Variants in TUSC3 observed in about 807,000 individuals in gnomAD.
The protein encoded by TUSC3 is tumor suppressor candidate 3, also known as dolichyl-diphosphooligosaccharide--protein glycosyltransferase subunit TUSC3.
TUSC3 carries 45 observed loss-of-function variants against 44.8 expected under a neutral mutation model. The ratio of observed to expected loss-of-function variants is 1.00; its 90% CI spans 0.79 to 1.29. TUSC3 has a LOEUF of 1.29. Ranked by LOEUF, TUSC3 falls within the 50% of genes most tolerant of loss-of-function variation. The pLI, the probability that TUSC3 is intolerant of heterozygous loss-of-function variation, is 0.00. For missense variants in TUSC3, 519 were observed against 437.9 expected (o/e 1.19, Z -1.65); for synonymous variants, 212 against 152.9 (o/e 1.39, Z -2.85).
chr8:15,477,555 T>C (rs181101132), intron 1 of TUSC3, among the ~76,000 whole-genome samples: 49 of 152,184 alleles, frequency 3.2e-4, no homozygotes, highest in Non-Finnish European at 5.0e-4. Flanking sequence ...ATCCCGTCTC[T>C]ACTAAAAATA....
intron 1 of TUSC3, among the ~76,000 whole-genome samples, chr8:15,480,801 T>C (rs1426630303): frequency 6.6e-6 from 1 of 152,182 alleles, no homozygotes; most frequent in Non-Finnish European, 1.5e-5. Flanking sequence ...CCTATTTAAG[T>C]CTCTATCTCC....
At chr8:15,825,790 G>T in the TUSC3 span, among the ~76,000 whole-genome samples, 4 of 151,894 alleles carry the variant, frequency 2.6e-5, no homozygotes, top group Non-Finnish European at 5.9e-5. Context: ...TGTTGTTAAG[G>T]CCTTGGCTAT....
chr8:15,653,077 C>A (rs746681791), intron 3 of TUSC3, among the ~76,000 whole-genome samples: 4 of 152,180 alleles, frequency 2.6e-5, no homozygotes, highest in Non-Finnish European at 5.9e-5. Flanking sequence ...CAGAAACACT[C>A]ATTTTTCACT....
At chr8:15,746,810 G>C (rs1363452486) in intron 8 of TUSC3, among the ~76,000 whole-genome samples, 1 of 152,050 alleles carries the variant, frequency 6.6e-6, no homozygotes, top group Non-Finnish European at 1.5e-5. Context: ...GGGAAGTATA[G>C]AGTAAATAAT....
chr8:15,661,454 C>T (rs928672523), intron 4 of TUSC3, among the ~76,000 whole-genome samples: 1 of 151,980 alleles, frequency 6.6e-6, no homozygotes, highest in African/African-American at 2.4e-5. Flanking sequence ...TGATCTGCCT[C>T]ATCTTTGTTC....
At chr8:15,436,560 T>C (rs1799947648) in intron 1 of TUSC3, among the ~76,000 whole-genome samples, 1 of 152,210 alleles carries the variant, frequency 6.6e-6, no homozygotes, top group Non-Finnish European at 1.5e-5. Flanking sequence ...GTTTCTGAAG[T>C]CTTCATATAA....
intron 1 of TUSC3, among the ~76,000 whole-genome samples, chr8:15,607,575 A>G (rs552651437): frequency 4.6e-5 from 7 of 152,314 alleles, no homozygotes; most frequent in Middle Eastern, 6.8e-3. Context: ...CTTCTAAAAC[A>G]TAAAGGTAAG....
chr8:15,743,507 A>G (rs757803613), intron 7 of TUSC3, 31 bp from the exon 8 acceptor site: 19 of 1,610,322 alleles, frequency 1.2e-5, no homozygotes, highest in African/African-American at 4.0e-5. Context: ...ATTCACATCT[A>G]TGTCTACGGC....
the TUSC3 span, among the ~76,000 whole-genome samples, chr8:15,796,164 T>A: frequency 5.3e-5 from 8 of 152,154 alleles, no homozygotes; most frequent in African/African-American, 1.9e-4. Context: ...TCGGTGGATA[T>A]GTTAGCATGC....
chr8:15,543,342 A>C (rs1331074456), intron 1 of TUSC3, among the ~76,000 whole-genome samples: 2 of 152,168 alleles, frequency 1.3e-5, no homozygotes, highest in Admixed American at 6.6e-5. Flanking sequence ...TTGAGCCTGC[A>C]ATCAGGAAAG....
At chr8:15,795,336 C>A in the TUSC3 span, among the ~76,000 whole-genome samples, 1 of 152,162 alleles carries the variant, frequency 6.6e-6, no homozygotes, top group Non-Finnish European at 1.5e-5. Flanking sequence ...GGCCAGTGAG[C>A]TGAAACTGAT....
intron 2 of TUSC3, among the ~76,000 whole-genome samples, chr8:15,504,609 ATATATATATATAT>A (rs1288542287): frequency 0.013 from 332 of 25,820 alleles, no homozygotes; most frequent in Non-Finnish European, 0.015. Context: ...ATATATATAT[ATATATATATATAT>A]TTTTTTTTTT....
chr8:15,743,479 G>A lies in TUSC3; in HGVS notation c.863-59G>A. 3 of 1,578,528 alleles carry A rather than the reference G, an allele frequency of 1.9e-6. No individual in the cohort carries two copies. The Admixed American group carries it at 5.0e-5, about 26-fold the overall frequency. ...TTCTGGAACATTGTGTTCAGAGCCA[G>A]AAAAATTAATAGATTTTATTCACAT... On this transcript the variant is annotated intron_variant, in intron 7 of 10. Transcript: ENST00000503731.
chr8:15,520,084 T>C (rs948292181), intron 2 of TUSC3, among the ~76,000 whole-genome samples: 3 of 152,184 alleles, frequency 2.0e-5, no homozygotes, highest in African/African-American at 7.2e-5. Flanking sequence ...ATTCTTCCAA[T>C]TCCCCTTTCA....
At chr8:15,733,260 A>G in intron 7 of TUSC3, 1 of 297,432 alleles carries the variant, frequency 3.4e-6, no homozygotes, top group South Asian at 3.0e-5. Context: ...GAAGCAAAAC[A>G]TGTTAACATT....
chr8:15,593,999 A>T (rs900541597), intron 1 of TUSC3, among the ~76,000 whole-genome samples: 1 of 152,178 alleles, frequency 6.6e-6, no homozygotes, highest in African/African-American at 2.4e-5. Context: ...TTTGGCATGT[A>T]CTAACGATAC....
intron 1 of TUSC3, among the ~76,000 whole-genome samples, chr8:15,442,361 T>A (rs887445915): frequency 6.6e-6 from 1 of 152,116 alleles, no homozygotes; most frequent in African/African-American, 2.4e-5. Context: ...ATTTATTTGA[T>A]AAATAATAGG....
At chr8:15,668,324 T>C (rs1807772138) in intron 5 of TUSC3, among the ~76,000 whole-genome samples, 2 of 151,856 alleles carry the variant, frequency 1.3e-5, no homozygotes, top group East Asian at 3.9e-4. Context: ...AATCTTAACT[T>C]ACATATTCAC....
intron 2 of TUSC3, among the ~76,000 whole-genome samples, chr8:15,530,201 G>C (rs1801431967): frequency 6.6e-6 from 1 of 151,918 alleles, no homozygotes; most frequent in Non-Finnish European, 1.5e-5. Context: ...CAGCTATAAG[G>C]ACAGTTTGAC....
Sources: gnomAD v4.1 joint callset for allele counts (sites outside exome capture counted in the v4.1 genomes callset) on GRCh38, gnomAD v4.1.1 for gene constraint, MANE v1.5 for transcripts, NCBI Gene and HGNC (gene_info 2026-07-23, HGNC 2026-07-21) for gene names.